The following HERPUD1 variants were observed in gnomAD, a reference collection of about 807,000 sequenced individuals.
HERPUD1 encodes homocysteine inducible ER protein with ubiquitin like domain 1, also known as homocysteine-responsive endoplasmic reticulum-resident ubiquitin-like domain member 1 protein.
Under a neutral mutation model 45.0 loss-of-function variants are expected in HERPUD1, and 17 were observed. The ratio of observed to expected loss-of-function variants is 0.38; its 90% CI spans 0.26 to 0.57. The LOEUF (loss-of-function observed/expected upper bound fraction) is 0.57, where lower values mean the gene tolerates loss of function less well. Ranked by LOEUF, HERPUD1 falls within the 20% of genes least tolerant of loss-of-function variation. The pLI is 0.72. For synonymous variants in HERPUD1, 164 were observed against 177.5 expected (o/e 0.92, Z 0.61); for missense variants, 420 against 490.5 (o/e 0.86, Z 1.36).
rs2055914361 is a variant in HERPUD1, at chr16:56,942,113, T to A, written c.906-19T>A. On this transcript the variant is annotated intron_variant, in intron 6 of 7. Coordinates refer to ENST00000439977, the MANE Select transcript of HERPUD1 (RefSeq NM_014685.4). Reference sequence around the variant, plus strand: ...CTGTGACATCAGCTAAGATGGACTTTTATGTGCTTCCTTTGAAGGCATCAC... The same window carrying A: ...CTGTGACATCAGCTAAGATGGACTTATATGTGCTTCCTTTGAAGGCATCAC... 1 of 1,601,530 alleles carries A rather than the reference T, an allele frequency of 6.2e-7. No homozygotes were observed. Among genetic ancestry groups the A allele is most frequent in the East Asian group, 2.2e-5 (1 of 44,824 alleles).
intron 7 of HERPUD1, 112 bp from the exon 8 acceptor site, chr16:56,943,014 A>G (rs1054135554): frequency 2.2e-5 from 24 of 1,105,232 alleles, no homozygotes; most frequent in Middle Eastern, 2.2e-4. Context: ...TGCTGTGCCT[A>G]TGGGGCAGGG....
rs374809316 is a variant in HERPUD1 at position 56,935,446 on chromosome 16, C to G, written c.271C>G (p.Pro91Ala). The G allele has an allele frequency of 6.2e-7, 1 of 1,614,114 alleles. No homozygotes were observed. Among genetic ancestry groups the G allele is most frequent in the Non-Finnish European group, 8.5e-7 (1 of 1,179,992 alleles). Residue 91 changes from proline (P) to alanine (A), a missense_variant, in exon 3 of 8, where the codon CCT (proline) becomes GCT (alanine). By Grantham distance (27) the Pro-to-Ala change is conservative (BLOSUM62 -1). Coordinates refer to ENST00000439977, the MANE Select transcript of HERPUD1 (RefSeq NM_014685.4). ...GCATCTGGTGTGCAATGTGAAGAGT[C>G]CTTCAAAAATGCCAGAAATCAACGC... Reference protein sequence around the residue: ...VLHLVCNVKSPSKMPEINAKV... With the variant: ...VLHLVCNVKSASKMPEINAKV...
At chr16:56,935,671 A>G (rs978529398) in intron 3 of HERPUD1, 196 bp downstream of exon 3, 2 of 592,122 alleles carry the variant, frequency 3.4e-6, no homozygotes, top group African/African-American at 3.7e-5. Context: ...TTGTTCCGTT[A>G]GTGCTGTAGT....
rs869088050 is a variant in HERPUD1 at position 56,934,702 on chromosome 16, C to CTTTTT, written c.148-510_148-506dup. On this transcript the variant is annotated intron_variant, in intron 1 of 7. Coordinates refer to ENST00000439977, the MANE Select transcript of HERPUD1 (RefSeq NM_014685.4). ...TTTGGACTGGAGATAATTTGCCATT[C>CTTTTT]TTTTTTTTTTTTTTTTTTTTTTTTT... 2.0e-3 allele frequency among the ~76,000 whole-genome samples: 122 copies of CTTTTT among 59,906 alleles called. 18 individuals carry two copies. The highest frequency in any genetic ancestry group is 6.4e-3 in the South Asian group (9 of 1,398). The allele number at this position is 59,906 out of a possible 152,430, so 39.3% of individuals were successfully genotyped here.
intron 4 of HERPUD1, among the ~76,000 whole-genome samples, chr16:56,937,824 A>G (rs1182710006): frequency 6.6e-6 from 1 of 151,498 alleles, no homozygotes; most frequent in African/African-American, 2.4e-5. Context: ...ACAGCATCAT[A>G]CCAAAGCTTA....
Position 56,935,452 on chromosome 16 carries a change from A to C in HERPUD1, c.277A>C (p.Lys93Gln). The C allele has an allele frequency of 6.2e-7, 1 of 1,614,192 alleles. No individual in the cohort carries two copies. The highest frequency in any genetic ancestry group is 1.3e-5 in the African/African-American group (1 of 75,052). Residue 93 changes from lysine (K) to glutamine (Q), a missense_variant, in exon 3 of 8, where the codon AAA becomes CAA. Coordinates refer to ENST00000439977, the MANE Select transcript of HERPUD1 (RefSeq NM_014685.4). ...HLVCNVKSPS[K>Q]MPEINAKVAE... is the part of the protein sequence containing the mutation. ...GGTGTGCAATGTGAAGAGTCCTTCA[A>C]AAATGCCAGAAATCAACGCCAAGGT...
Position 56,943,161 on chromosome 16 carries a change from C to T in HERPUD1, c.1047C>T (p.His349=), listed in dbSNP as rs767840902. Residue 349 remains histidine (H), a synonymous_variant, in exon 8 of 8, where the codon CAC becomes CAT. Transcript: ENST00000439977. ...GTDPETEDPN[H]LPPDRDVLDG... is the part of the protein sequence containing the mutation. ...ATCCTGAAACTGAAGACCCCAACCA[C>T]CTCCCTCCAGACAGGGATGTACTAG... The T allele has an allele frequency of 2.8e-5, 46 of 1,614,080 alleles. No individual in the cohort carries two copies. The highest frequency in any genetic ancestry group is 3.6e-5 in the Non-Finnish European group (43 of 1,180,038).
intron 7 of HERPUD1, among the ~76,000 whole-genome samples, chr16:56,942,539 G>A (rs2055918686): frequency 6.6e-6 from 1 of 152,208 alleles, no homozygotes. Flanking sequence ...GAACTGGTAT[G>A]AAGTGGTTAA....
rs545757637 is a variant in HERPUD1 at position 56,943,505 on chromosome 16, G to A, written c.*215G>A. The A allele has an allele frequency of 3.2e-5, 20 of 622,958 alleles. No individual in the cohort carries two copies. In the South Asian group the frequency reaches 3.4e-4, roughly 10 times the overall value. 38.6% of individuals were successfully genotyped at this position (622,958 alleles called of 1,614,324 possible). ...CCAAGGCTTCTCATGTCTTTATTCTGAAGAGCTTTAATATATACTCTATGT... is the reference window on the plus strand; with the variant it reads ...CCAAGGCTTCTCATGTCTTTATTCTAAAGAGCTTTAATATATACTCTATGT... On this transcript the variant is annotated 3_prime_UTR_variant, in exon 8 of 8. Coordinates refer to ENST00000439977, the MANE Select transcript of HERPUD1 (RefSeq NM_014685.4).
chr16:56,942,163 A>T lies in HERPUD1; in HGVS notation c.937A>T (p.Arg313Trp). 1 of 1,614,056 alleles carries T rather than the reference A, an allele frequency of 6.2e-7. No individual in the cohort carries two copies. Among genetic ancestry groups the T allele is most frequent in the Non-Finnish European group, 8.5e-7 (1 of 1,179,968 alleles). ...CGTTGGGTGGTTTCCATTTAGACCG[A>T]GGCCGGTTCAGAACTTCCCAAATGA... is the stretch of plus-strand genomic sequence containing the variant. ...HHVGWFPFRP[R>W]PVQNFPNDGP... Residue 313 changes from arginine (R) to tryptophan (W), a missense_variant, in exon 7 of 8, where the codon AGG (arginine) becomes TGG (tryptophan). By Grantham distance (101) the Arg-to-Trp change is moderately radical (BLOSUM62 -3). Transcript: ENST00000439977.
chr16:56,932,535 C>T (rs1382522204), intron 1 of HERPUD1, 144 bp downstream of exon 1: 11 of 763,326 alleles, frequency 1.4e-5, no homozygotes, highest in Admixed American at 3.0e-5. Flanking sequence ...GGGCTGTGGT[C>T]TCCCCTTCCC....
chr16:56,936,859 G>C (rs376773471), intron 4 of HERPUD1, 42 bp downstream of exon 4: 1 of 1,601,322 alleles, frequency 6.2e-7, no homozygotes, highest in Non-Finnish European at 8.5e-7. Flanking sequence ...CAACATGAAT[G>C]TTCCTCGTTT....
At position 56,940,210 on chromosome 16, in the gene HERPUD1, C is replaced by T. The variant is rs767109510; in HGVS notation, c.870C>T (p.Phe290=). 1 of 1,613,870 alleles carries T rather than the reference C, an allele frequency of 6.2e-7. No homozygotes were observed. The highest frequency in any genetic ancestry group is 2.2e-5 in the East Asian group (1 of 44,880). Residue 290 remains phenylalanine, a synonymous_variant, in exon 6 of 8, where the codon TTC becomes TTT. Coordinates refer to ENST00000439977, the MANE Select transcript of HERPUD1 (RefSeq NM_014685.4). ...ILYFYSSLSR[F]LMVMGATVVM... ...ACTTCTACTCCTCCCTGAGCAGATT[C>T]CTCATGGTCATGGGGGCCACCGTTG...
chr16:56,934,702 CTTTTTTTTTT>C (rs869088050), intron 1 of HERPUD1, among the ~76,000 whole-genome samples: 7 of 59,862 alleles, frequency 1.2e-4, no homozygotes, highest in African/African-American at 2.7e-4. Context: ...ATTTGCCATT[CTTTTTTTTTT>C]TTTTTTTTTT....
intron 1 of HERPUD1, among the ~76,000 whole-genome samples, chr16:56,932,868 C>T (rs1244737595): frequency 6.6e-6 from 1 of 152,204 alleles, no homozygotes; most frequent in Non-Finnish European, 1.5e-5. Context: ...CTTCTCCTCC[C>T]TGGCCACCTT....
chr16:56,937,865 CTG>C lies in HERPUD1; in HGVS notation c.431+1052_431+1053del, dbSNP rs202028103. 5.6e-4 allele frequency among the ~76,000 whole-genome samples: 85 copies of C among 151,758 alleles called. 1 individual carries two copies. Among genetic ancestry groups the C allele is most frequent in the African/African-American group, 1.9e-3 (79 of 41,354 alleles). On this transcript the variant is annotated intron_variant, in intron 4 of 7. Coordinates refer to ENST00000439977, the MANE Select transcript of HERPUD1 (RefSeq NM_014685.4). ...ATTGGAATACTATTTTAGAAATACT[CTG>C]TGTATGGAATTTAGTTAAAAGATTG...
At chr16:56,932,416 C>A in intron 1 of HERPUD1, 25 bp downstream of exon 1, 4 of 1,530,710 alleles carry the variant, frequency 2.6e-6, no homozygotes, top group Non-Finnish European at 2.6e-6. Context: ...GACTTCCCGC[C>A]CCTAGGCTGT....
intron 1 of HERPUD1, among the ~76,000 whole-genome samples, chr16:56,932,777 C>A (rs2055837266): frequency 6.6e-6 from 1 of 152,222 alleles, no homozygotes. Flanking sequence ...CAGGTGCCAC[C>A]CGGGGCCGTG....
intron 5 of HERPUD1, 85 bp from the exon 6 acceptor site, chr16:56,939,810 C>A: frequency 9.9e-7 from 1 of 1,013,092 alleles, no homozygotes; most frequent in Non-Finnish European, 1.5e-6. Context: ...AAATTCTTAA[C>A]AGTAAAAGAC....
Sources: allele counts gnomAD v4.1 joint callset (sites outside exome capture counted in the v4.1 genomes callset), GRCh38; gene constraint gnomAD v4.1.1; transcripts MANE v1.5; gene names NCBI Gene and HGNC (gene_info 2026-07-23, HGNC 2026-07-21).